TULP4: variants seen among roughly 807,000 people sequenced by gnomAD.
TULP4 encodes the protein tubby-related protein 4.
In TULP4, 16 loss-of-function variants were observed where a neutral mutation model predicts 129.0. That is an observed-to-expected ratio of 0.12 (90% CI 0.08 to 0.19). The LOEUF is 0.19. Ranked by LOEUF, TULP4 falls within the 10% of genes least tolerant of loss-of-function variation. The probability of loss-of-function intolerance (pLI) is 1.00; values close to 1 mark genes in which losing one functional copy is unlikely to be tolerated. For synonymous variants in TULP4, 998 were observed against 854.0 expected (o/e 1.17, Z -2.94); for missense variants, 1,842 against 2,059.1 (o/e 0.89, Z 2.04).
intron 1 of TULP4, among the ~76,000 whole-genome samples, chr6:158,404,291 C>G (rs1777923765): frequency 6.6e-6 from 1 of 152,094 alleles, no homozygotes; most frequent in Admixed American, 6.5e-5. Flanking sequence ...GTTCCATAGC[C>G]CTTTCATAAG....
intron 2 of TULP4, among the ~76,000 whole-genome samples, chr6:158,420,507 G>A (rs920927748): frequency 2.6e-5 from 4 of 152,106 alleles, no homozygotes; most frequent in Non-Finnish European, 5.9e-5. Flanking sequence ...TTCTGACCGA[G>A]TTTCATTCTT....
intron 5 of TULP4, among the ~76,000 whole-genome samples, chr6:158,452,712 TAA>T (rs753545885): frequency 2.0e-5 from 3 of 152,252 alleles, no homozygotes; most frequent in Non-Finnish European, 4.4e-5. Context: ...CACTGTGCGA[TAA>T]AGTTACCTTG....
At chr6:158,385,840 A>ATTTTTT (rs1397821107) in intron 1 of TULP4, among the ~76,000 whole-genome samples, 2 of 34,040 alleles carry the variant, frequency 5.9e-5, no homozygotes, top group African/African-American at 2.7e-4. Context: ...AATGTGGAAT[A>ATTTTTT]TCTTTTTTTT....
At chr6:158,255,965 C>T (rs1157695843) in intron 1 of TULP4, among the ~76,000 whole-genome samples, 3 of 152,072 alleles carry the variant, frequency 2.0e-5, no homozygotes, top group Non-Finnish European at 4.4e-5. Flanking sequence ...TGCTGGGCCT[C>T]GTGTGCCACA....
Position 158,314,341 on chromosome 6 carries a change from T to G in TULP4, c.252+73T>G. 2.0e-6 allele frequency: 3 copies of G among 1,533,908 alleles called. No homozygotes were observed. The East Asian group carries it at 6.8e-5, about 35-fold the overall frequency. On this transcript the variant is annotated intron_variant, in intron 1 of 13. Transcript: ENST00000367097. ...TTGAGCCCCTTGTGGACTTGAAACT[T>G]CCTTCATTTCAGTTTCATAGACTTG...
chr6:158,454,041 T>G (rs2064218504), intron 5 of TULP4, among the ~76,000 whole-genome samples: 1 of 135,808 alleles, frequency 7.4e-6, no homozygotes, highest in African/African-American at 2.9e-5. Flanking sequence ...AAGTAATTAC[T>G]CTATTTTTAA....
intron 1 of TULP4, among the ~76,000 whole-genome samples, chr6:158,249,100 A>AAG (rs989243858): frequency 6.6e-6 from 1 of 151,664 alleles, no homozygotes; most frequent in Non-Finnish European, 1.5e-5. Context: ...AAAAAAAAAA[A>AAG]AAAAAGAAAA....
chr6:158,362,878 G>A (rs2114841509), intron 1 of TULP4, among the ~76,000 whole-genome samples: 1 of 151,256 alleles, frequency 6.6e-6, no homozygotes, highest in Non-Finnish European at 1.5e-5. Context: ...TGGCCAAGTT[G>A]GTGAAACCCC....
At chr6:158,372,523 T>A (rs827991) in intron 1 of TULP4, among the ~76,000 whole-genome samples, 101,761 of 152,066 alleles carry the variant, frequency 0.67, 34,543 homozygotes, top group Middle Eastern at 0.74. Context: ...TTGAATTAAA[T>A]ATCAATTTCT....
chr6:158,505,910 A>T (rs1433580337), intron 13 of TULP4, among the ~76,000 whole-genome samples: 1 of 151,470 alleles, frequency 6.6e-6, no homozygotes, highest in Non-Finnish European at 1.5e-5. Flanking sequence ...TGTGCTTGTT[A>T]CATGAGCATT....
At chr6:158,478,644 A>G (rs1583920764) in intron 6 of TULP4, among the ~76,000 whole-genome samples, 2 of 151,820 alleles carry the variant, frequency 1.3e-5, no homozygotes, top group South Asian at 4.2e-4. Context: ...CCATCACCCC[A>G]CCCTGCAACT....
intron 3 of TULP4, among the ~76,000 whole-genome samples, chr6:158,447,695 A>G (rs1461723179): frequency 1.3e-5 from 2 of 152,198 alleles, no homozygotes; most frequent in Non-Finnish European, 2.9e-5. Context: ...TAAAATCTCA[A>G]GCAAAAAGAA....
At chr6:158,366,164 A>G (rs1201099314) in intron 1 of TULP4, among the ~76,000 whole-genome samples, 1 of 151,404 alleles carries the variant, frequency 6.6e-6, no homozygotes, top group Non-Finnish European at 1.5e-5. Context: ...TGACCTCCCA[A>G]AGTGCTGGGA....
Position 158,489,578 on chromosome 6 carries a change from GT to G in TULP4, c.1487-6del. The G allele has an allele frequency of 6.2e-7, 1 of 1,614,088 alleles. No individual in the cohort carries two copies. The highest frequency in any genetic ancestry group is 8.5e-7 in the Non-Finnish European group (1 of 1,180,012). On this transcript the variant is annotated splice_polypyrimidine_tract_variant and intron_variant, in intron 8 of 13. Transcript: ENST00000367097. The stretch of plus-strand genomic sequence containing the variant: ...CTTCCCTTGAAATCTGCTGGTTGGT[GT>G]TTTACCAGATGAAATCTATGGGAAC...
At chr6:158,290,145 T>C (rs1778908090) in intron 1 of TULP4, among the ~76,000 whole-genome samples, 1 of 152,034 alleles carries the variant, frequency 6.6e-6, no homozygotes, top group Admixed American at 6.5e-5. Flanking sequence ...TGTGTTGCCC[T>C]GGCTGATCTC....
chr6:158,427,164 G>A (rs111989881), intron 2 of TULP4, among the ~76,000 whole-genome samples: 2 of 152,148 alleles, frequency 1.3e-5, no homozygotes, highest in African/African-American at 4.8e-5. Context: ...ATGAACTACT[G>A]ACACACGGAA....
chr6:158,331,756 C>CAT lies in TULP4; in HGVS notation c.252+17488_252+17489insAT, dbSNP rs1562523299. ...ACGTATATATATACGTGTATATACA[C>CAT]GTGTATATATACACGTATATATACA... On this transcript the variant is annotated intron_variant, in intron 1 of 13. Transcript: ENST00000367097. Among the ~76,000 whole-genome samples, 38 of 12,954 alleles carry CAT rather than the reference C, an allele frequency of 2.9e-3. 7 individuals carry two copies. The highest frequency in any genetic ancestry group is 0.045 in the Middle Eastern group (1 of 22). 8.5% of individuals were successfully genotyped at this position (12,954 alleles called of 152,430 possible).
intron 1 of TULP4, among the ~76,000 whole-genome samples, chr6:158,356,305 A>G (rs938941510): frequency 7.2e-5 from 11 of 152,168 alleles, no homozygotes; most frequent in Non-Finnish European, 1.6e-4. Flanking sequence ...AGGGAGGGAA[A>G]TAAGAGCCTT....
intron 1 of TULP4, among the ~76,000 whole-genome samples, chr6:158,396,501 G>A (rs763413394): frequency 5.3e-5 from 8 of 152,058 alleles, no homozygotes; most frequent in African/African-American, 9.7e-5. Context: ...GTAGTGTGGA[G>A]GAAATAATAT....
Sources: gnomAD v4.1 joint callset for allele counts (sites outside exome capture counted in the v4.1 genomes callset) on GRCh38, gnomAD v4.1.1 for gene constraint, MANE v1.5 for transcripts, NCBI Gene and HGNC (gene_info 2026-07-23, HGNC 2026-07-21) for gene names.